Variants in NLRP1 observed in about 807,000 individuals in gnomAD.
NLRP1 encodes NLR family pyrin domain containing 1.
A neutral mutation model predicts 136.7 loss-of-function variants in NLRP1; 94 were observed. The ratio of observed to expected loss-of-function variants is 0.69; its 90% CI spans 0.58 to 0.82. The LOEUF (loss-of-function observed/expected upper bound fraction) is 0.82. NLRP1 is among the 40% of genes least tolerant of loss of function. The pLI is 0.00. For missense variants in NLRP1, 1,575 were observed against 1,802.7 expected (o/e 0.87, Z 2.29); for synonymous variants, 690 against 725.1 (o/e 0.95, Z 0.78).
At chr17:5,531,562 C>T (rs1452178534) in intron 11 of NLRP1, among the ~76,000 whole-genome samples, 2 of 152,154 alleles carry the variant, frequency 1.3e-5, no homozygotes, top group Admixed American at 6.5e-5. Context: ...TTGGAAACAA[C>T]ACTTTTATAG....
At chr17:5,577,791 C>T (rs182556700) in intron 3 of NLRP1, among the ~76,000 whole-genome samples, 51 of 152,246 alleles carry the variant, frequency 3.3e-4, no homozygotes, top group East Asian at 2.5e-3. Context: ...AAAAAGAGCC[C>T]GCACTGCCAA....
chr17:5,525,883 T>C (rs371528814), intron 12 of NLRP1, among the ~76,000 whole-genome samples: 1 of 152,174 alleles, frequency 6.6e-6, no homozygotes, highest in Non-Finnish European at 1.5e-5. Flanking sequence ...GACCAATCTA[T>C]CCACCTGGCT....
At chr17:5,580,639 T>C (rs1905536876) in intron 3 of NLRP1, among the ~76,000 whole-genome samples, 1 of 152,230 alleles carries the variant, frequency 6.6e-6, no homozygotes, top group African/African-American at 2.4e-5. Context: ...GTTTTCATAC[T>C]TGTTTTTTTC....
At position 5,579,624 on chromosome 17, in the gene NLRP1, A is replaced by G. The variant is rs114685256; in HGVS notation, c.652+2235T>C. Reference sequence around the variant, plus strand: ...GAATGTAGAGCATTCTACCATAAAGATGCATGTACATGTATGTTTATTGCA... The same window carrying G: ...GAATGTAGAGCATTCTACCATAAAGGTGCATGTACATGTATGTTTATTGCA... On this transcript the variant is annotated intron_variant, in intron 3 of 16. Coordinates refer to ENST00000572272, the MANE Select transcript of NLRP1 (RefSeq NM_033004.4). Among the ~76,000 whole-genome samples the G allele has an allele frequency of 6.2e-3, 939 of 152,312 alleles. 5 individuals are homozygous for G. The highest frequency in any genetic ancestry group is 0.022 in the African/African-American group (907 of 41,556).
chr17:5,553,569 G>C lies in NLRP1; in HGVS notation c.2358-13C>G, dbSNP rs201813908. The C allele has an allele frequency of 1.2e-5, 20 of 1,611,370 alleles. No individual in the cohort carries two copies. Among genetic ancestry groups the C allele is most frequent in the Non-Finnish European group, 1.6e-5 (19 of 1,178,300 alleles). On this transcript the variant is annotated splice_polypyrimidine_tract_variant and intron_variant, in intron 4 of 16. Coordinates refer to ENST00000572272, the MANE Select transcript of NLRP1 (RefSeq NM_033004.4). Reference sequence around the variant, plus strand: ...GACCCACCTGAACCTGAGGGGGAGAGAGAAGGACAGGAGAGATGTGATGTG... The same window carrying C: ...GACCCACCTGAACCTGAGGGGGAGACAGAAGGACAGGAGAGATGTGATGTG...
chr17:5,508,341 G>A (rs1484654000), intron 15 of NLRP1, among the ~76,000 whole-genome samples: 1 of 152,076 alleles, frequency 6.6e-6, no homozygotes, highest in Non-Finnish European at 1.5e-5. Context: ...TGTAGAGACA[G>A]AGTCTTGCTA....
At chr17:5,565,002 G>C (rs1477169060) in intron 3 of NLRP1, among the ~76,000 whole-genome samples, 1 of 152,140 alleles carries the variant, frequency 6.6e-6, no homozygotes, top group Non-Finnish European at 1.5e-5. Flanking sequence ...CTCCCAAAGT[G>C]CTGGGATTAC....
chr17:5,527,119 C>G (rs571840685), intron 12 of NLRP1, among the ~76,000 whole-genome samples: 5 of 152,346 alleles, frequency 3.3e-5, no homozygotes, highest in Non-Finnish European at 4.4e-5. Flanking sequence ...CTAAAAGCAG[C>G]CTCTGTGCAT....
chr17:5,543,798 C>T (rs1019742559), intron 5 of NLRP1, among the ~76,000 whole-genome samples: 48 of 152,288 alleles, frequency 3.2e-4, no homozygotes, highest in African/African-American at 1.2e-3. Context: ...GACCCTGTGG[C>T]ACTCAGTGGA....
Position 5,558,649 on chromosome 17 carries a change from C to A in NLRP1, c.2047G>T (p.Glu683Ter). Reference sequence around the variant, plus strand: ...TGAAAGATGTTCTCCATCTCTCTCTCCCCCTCATCACTTAACAGGCCCAAT... The same window carrying A: ...TGAAAGATGTTCTCCATCTCTCTCTACCCCTCATCACTTAACAGGCCCAAT... ...FLLGLLSDEGEREMENIFHCR... is the reference protein window; with the variant it reads ...FLLGLLSDEG The change falls in exon 4 of 17, where the codon GAG becomes TAG. Residue 683 changes from glutamate to a stop codon, truncating the protein, a stop_gained. Coordinates refer to ENST00000572272, the MANE Select transcript of NLRP1 (RefSeq NM_033004.4). LOFTEE classifies it high-confidence loss of function. 1 of 1,614,100 alleles carries A rather than the reference C, an allele frequency of 6.2e-7. No homozygotes were observed. Among genetic ancestry groups the A allele is most frequent in the Non-Finnish European group, 8.5e-7 (1 of 1,179,990 alleles).
intron 8 of NLRP1, 97 bp downstream of exon 8, chr17:5,536,754 C>G (rs1911120958): frequency 1.2e-6 from 1 of 816,884 alleles, no homozygotes; most frequent in Non-Finnish European, 2.1e-6. Flanking sequence ...TGGGTTTCTC[C>G]CTGGCTGTGT....
At position 5,515,217 on chromosome 17, in the gene NLRP1, T is replaced by C. The variant is rs996214292; in HGVS notation, c.4103-144A>G. ...GTCCTCCCTCATGGCAGCATCTAGCTTGGCATTCTGCCAGAGTGGGGATCG... is the reference window on the plus strand; with the variant it reads ...GTCCTCCCTCATGGCAGCATCTAGCCTGGCATTCTGCCAGAGTGGGGATCG... On this transcript the variant is annotated intron_variant, in intron 16 of 16. Coordinates refer to ENST00000572272, the MANE Select transcript of NLRP1 (RefSeq NM_033004.4). 17 of 883,252 alleles carry C rather than the reference T, an allele frequency of 1.9e-5. No individual in the cohort carries two copies. The Admixed American group carries it at 3.6e-4, about 19-fold the overall frequency. 54.7% of individuals were successfully genotyped at this position (883,252 alleles called of 1,614,324 possible).
intron 11 of NLRP1, among the ~76,000 whole-genome samples, chr17:5,532,504 AAG>A (rs1168514269): frequency 2.0e-5 from 3 of 152,230 alleles, no homozygotes; most frequent in Non-Finnish European, 4.4e-5. Flanking sequence ...AACAATAACA[AAG>A]AGGGGGAAAG....
At chr17:5,530,182 C>T (rs919216388) in intron 12 of NLRP1, 24 of 491,592 alleles carry the variant, frequency 4.9e-5, no homozygotes, top group Non-Finnish European at 7.4e-5. Context: ...AAAATCTCAA[C>T]TGAGCATATC....
At chr17:5,547,279 C>T (rs1006140981) in intron 5 of NLRP1, among the ~76,000 whole-genome samples, 1 of 152,032 alleles carries the variant, frequency 6.6e-6, no homozygotes, top group Non-Finnish European at 1.5e-5. Flanking sequence ...AAATACATAG[C>T]ACACATGACC....
chr17:5,528,122 G>C (rs528256088), intron 12 of NLRP1, among the ~76,000 whole-genome samples: 1 of 152,340 alleles, frequency 6.6e-6, no homozygotes, highest in Non-Finnish European at 1.5e-5. Context: ...AAGTTCTTTT[G>C]CTGCTGGTCA....
intron 11 of NLRP1, 68 bp downstream of exon 11, chr17:5,532,754 G>C (rs1194036032): frequency 3.5e-6 from 5 of 1,429,926 alleles, no homozygotes; most frequent in Non-Finnish European, 3.8e-6. Flanking sequence ...CTGACTGTCT[G>C]TGGGGACCCA....
intron 3 of NLRP1, among the ~76,000 whole-genome samples, chr17:5,570,435 C>G (rs149920631): frequency 2.8e-4 from 42 of 151,136 alleles, no homozygotes; most frequent in African/African-American, 9.9e-4. Context: ...AGGACATTAC[C>G]ATTGACCCCG....
At chr17:5,551,730 A>G (rs71368567) in intron 5 of NLRP1, among the ~76,000 whole-genome samples, 10,030 of 152,150 alleles carry the variant, frequency 0.066, 421 homozygotes, top group African/African-American at 0.11. Flanking sequence ...TCTGATAAGT[A>G]TGTAGTGGTA....
Sources: allele counts gnomAD v4.1 joint callset (sites outside exome capture counted in the v4.1 genomes callset), GRCh38; gene constraint gnomAD v4.1.1; transcripts MANE v1.5; gene names NCBI Gene and HGNC (gene_info 2026-07-23, HGNC 2026-07-21).